Variants in TMEM117 observed in about 807,000 individuals in gnomAD.
TMEM117 encodes transmembrane protein 117.
A neutral mutation model predicts 52.4 loss-of-function variants in TMEM117; 27 were observed. The ratio of observed to expected loss-of-function variants is 0.51; its 90% CI spans 0.38 to 0.71. The LOEUF (loss-of-function observed/expected upper bound fraction) is 0.71, where lower values mean the gene tolerates loss of function less well. Ranked by LOEUF, TMEM117 falls within the 30% of genes least tolerant of loss-of-function variation. The probability of loss-of-function intolerance (pLI) is 0.00; values close to 1 mark genes in which losing one functional copy is unlikely to be tolerated. For missense variants in TMEM117, 556 were observed against 630.5 expected, an observed-to-expected ratio of 0.88 and a Z score of 1.26; for synonymous variants, 215 against 206.3, an observed-to-expected ratio of 1.04 and a Z score of -0.36.
chr12:44,282,089 C>T (rs1259240391), intron 5 of TMEM117, among the ~76,000 whole-genome samples: 1 of 152,000 alleles, frequency 6.6e-6, no homozygotes, highest in Non-Finnish European at 1.5e-5. Context: ...CAGGGGTTTC[C>T]ACTTTTGCTT....
At chr12:44,064,200 G>T (rs1051599832) in intron 3 of TMEM117, among the ~76,000 whole-genome samples, 3 of 152,078 alleles carry the variant, frequency 2.0e-5, no homozygotes. Flanking sequence ...GGGAGGAGAT[G>T]CTTTCTCCTT....
chr12:44,196,053 C>G (rs941100890), intron 4 of TMEM117, among the ~76,000 whole-genome samples: 2 of 151,966 alleles, frequency 1.3e-5, no homozygotes, highest in African/African-American at 4.8e-5. Context: ...TGCCACTGCA[C>G]TCCAGCCTGG....
intron 2 of TMEM117, among the ~76,000 whole-genome samples, chr12:43,899,325 T>C (rs1321866420): frequency 6.6e-6 from 1 of 152,240 alleles, no homozygotes; most frequent in East Asian, 1.9e-4. Context: ...TAAACCACAG[T>C]GACAATTTAT....
intron 4 of TMEM117, among the ~76,000 whole-genome samples, chr12:44,152,454 A>T (rs1481221351): frequency 2.6e-5 from 3 of 114,560 alleles, no homozygotes; most frequent in African/African-American, 1.1e-4. Context: ...TAATATAAAA[A>T]TTTTTATATC....
chr12:44,361,196 A>G (rs1951716270), intron 6 of TMEM117, among the ~76,000 whole-genome samples: 1 of 152,198 alleles, frequency 6.6e-6, no homozygotes, highest in Non-Finnish European at 1.5e-5. Context: ...ACTCCACGCT[A>G]TAATTTGTTT....
chr12:44,317,273 T>C (rs1951067747), intron 6 of TMEM117, among the ~76,000 whole-genome samples: 1 of 149,476 alleles, frequency 6.7e-6, no homozygotes, highest in Non-Finnish European at 1.5e-5. Flanking sequence ...ATTTTCCCCT[T>C]TCTTTCCCTA....
At chr12:43,966,367 A>T (rs1945485483) in intron 3 of TMEM117, among the ~76,000 whole-genome samples, 1 of 152,260 alleles carries the variant, frequency 6.6e-6, no homozygotes, top group Non-Finnish European at 1.5e-5. Flanking sequence ...TTACCTAAAA[A>T]TAGGATGGTT....
chr12:44,362,358 G>A (rs770663304), intron 6 of TMEM117, among the ~76,000 whole-genome samples: 5 of 151,990 alleles, frequency 3.3e-5, no homozygotes, highest in African/African-American at 4.8e-5. Flanking sequence ...AATCCTTATC[G>A]TGGTTTATTT....
chr12:43,870,421 A>T (rs1194678947), intron 2 of TMEM117, among the ~76,000 whole-genome samples: 1 of 151,488 alleles, frequency 6.6e-6, no homozygotes, highest in Non-Finnish European at 1.5e-5. Context: ...CGCCACACCC[A>T]GCTAATTTTG....
At chr12:43,896,013 A>G (rs140095119) in intron 2 of TMEM117, among the ~76,000 whole-genome samples, 1 of 152,300 alleles carries the variant, frequency 6.6e-6, no homozygotes, top group Non-Finnish European at 1.5e-5. Flanking sequence ...GTGCCCATTC[A>G]GATTGAGGGT....
chr12:44,024,881 T>C (rs1477897312), intron 3 of TMEM117, among the ~76,000 whole-genome samples: 5 of 152,058 alleles, frequency 3.3e-5, no homozygotes, highest in Non-Finnish European at 2.9e-5. Context: ...TGCACACACA[T>C]ATATGTACAT....
rs1950314247 is a variant in TMEM117, at chr12:44,260,991, A to C, written c.609-38589A>C. ...TGTTTCTTGTATAATAATCTCTATTAACTGATAACTATGTCCTTTACAGGA... is the reference window on the plus strand; with the variant it reads ...TGTTTCTTGTATAATAATCTCTATTCACTGATAACTATGTCCTTTACAGGA... On this transcript the variant is annotated intron_variant, in intron 5 of 7. Transcript: ENST00000266534. Among the ~76,000 whole-genome samples, 4 of 152,240 alleles carry C rather than the reference A, an allele frequency of 2.6e-5. No individual in the cohort carries two copies. In the South Asian group the frequency reaches 8.3e-4, roughly 32 times the overall value.
intron 3 of TMEM117, among the ~76,000 whole-genome samples, chr12:43,956,500 C>CAAAAAAAAAA (rs57544750): frequency 1.2e-5 from 1 of 83,546 alleles, no homozygotes; most frequent in Non-Finnish European, 2.3e-5. Flanking sequence ...AGACACTTCT[C>CAAAAAAAAAA]AAAAAAAAAA....
intron 2 of TMEM117, among the ~76,000 whole-genome samples, chr12:43,931,891 A>G (rs1230684652): frequency 6.6e-6 from 1 of 152,232 alleles, no homozygotes; most frequent in Non-Finnish European, 1.5e-5. Context: ...CAGGCTTGGC[A>G]TCTCCACCTT....
chr12:44,188,014 C>G (rs890836921), intron 4 of TMEM117, among the ~76,000 whole-genome samples: 1 of 152,018 alleles, frequency 6.6e-6, no homozygotes, highest in African/African-American at 2.4e-5. Context: ...TAAGATGTAC[C>G]TAGAGCCTCT....
At chr12:44,271,129 G>GT (rs200256373) in intron 5 of TMEM117, among the ~76,000 whole-genome samples, 3 of 151,616 alleles carry the variant, frequency 2.0e-5, no homozygotes, top group Admixed American at 2.0e-4. Flanking sequence ...CTGTAGTTTT[G>GT]TTTTTTTGTT....
At chr12:44,035,489 C>G (rs1946696613) in intron 3 of TMEM117, among the ~76,000 whole-genome samples, 1 of 152,096 alleles carries the variant, frequency 6.6e-6, no homozygotes, top group Non-Finnish European at 1.5e-5. Flanking sequence ...GTAATTAACC[C>G]AATACGTTAT....
chr12:43,836,405 G>T lies in TMEM117; in HGVS notation c.-29+209G>T, dbSNP rs1380950966. Among the ~76,000 whole-genome samples, 3 of 152,290 alleles carry T rather than the reference G, an allele frequency of 2.0e-5. No individual in the cohort carries two copies. The East Asian group carries it at 5.8e-4, about 30-fold the overall frequency. ...TGGGGATGGCAGCCAAAGAGGCAGG[G>T]TGAAGTGTCAAGGAGGGAGGGGGGA... On this transcript the variant is annotated intron_variant, in intron 1 of 7. Transcript: ENST00000266534.
At chr12:44,194,953 A>T (rs1278276701) in intron 4 of TMEM117, among the ~76,000 whole-genome samples, 3 of 152,218 alleles carry the variant, frequency 2.0e-5, no homozygotes, top group Non-Finnish European at 4.4e-5. Flanking sequence ...TCTGTTAAAG[A>T]GCAAAGATTA....
Sources: allele counts gnomAD v4.1 joint callset (sites outside exome capture counted in the v4.1 genomes callset), GRCh38; gene constraint gnomAD v4.1.1; transcripts MANE v1.5; gene names NCBI Gene and HGNC (gene_info 2026-07-23, HGNC 2026-07-21).